The following TTN variants were observed in gnomAD, a reference collection of about 807,000 sequenced individuals.
TTN encodes the protein titin.
A neutral mutation model predicts 3,223.0 loss-of-function variants in TTN; 1,525 were observed. That is an observed-to-expected ratio of 0.47 (90% CI 0.45 to 0.49). The LOEUF is 0.49. TTN is among the 20% of genes least tolerant of loss of function. The pLI, the probability that TTN is intolerant of heterozygous loss-of-function variation, is 0.00. For missense variants in TTN, 40,786 were observed against 43,424.0 expected, an observed-to-expected ratio of 0.94 and a Z score of 5.40; for synonymous variants, 14,094 against 15,161.0, an observed-to-expected ratio of 0.93 and a Z score of 5.17.
At position 178,675,040 on chromosome 2, in the gene TTN, T is replaced by G; in HGVS notation, c.34611A>C (p.Glu11537Asp). 1 of 1,525,908 alleles carries G rather than the reference T, an allele frequency of 6.6e-7. No individual in the cohort carries two copies. The highest frequency in any genetic ancestry group is 8.8e-7 in the Non-Finnish European group (1 of 1,140,548). 94.5% of individuals were successfully genotyped at this position (1,525,908 alleles called of 1,614,324 possible). A position where few individuals can be genotyped will look rare whatever the true frequency, so the allele number is the denominator to read the frequency against. Reference protein sequence around the residue: ...LPKEEEVLPVEVTEEPEEEPI... With the variant: ...LPKEEEVLPVDVTEEPEEEPI... ...TTATTTTCTTAGAAAGTTATCTACC[T>G]TCAACTGGTAGAACTTCCTCTTCTT... The change falls in exon 150 of 363, where the codon GAA becomes GAC. Residue 11537 changes from glutamate (E) to aspartate (D), a missense_variant and splice_region_variant. Coordinates refer to ENST00000589042, the MANE Select transcript of TTN (RefSeq NM_001267550.2).
Position 178,577,252 on chromosome 2 carries a change from G to A in TTN, c.69083C>T (p.Thr23028Met), listed in dbSNP as rs754823057. Residue 23028 changes from threonine to methionine, a missense_variant, in exon 324 of 363, where the codon ACG becomes ATG. Coordinates refer to ENST00000589042, the MANE Select transcript of TTN (RefSeq NM_001267550.2). ...YTITATNPFG[T>M]KVEHVKVTVL... ...TGTTACCTTCACATGTTCCACCTTC[G>A]TGCCAAAAGGATTGGTAGCAGTGAT... 15 of 1,612,568 alleles carry A rather than the reference G, an allele frequency of 9.3e-6. No homozygotes were observed. The highest frequency in any genetic ancestry group is 4.5e-5 in the East Asian group (2 of 44,660).
rs373311221 is a variant in TTN at position 178,572,814 on chromosome 2, T to C, written c.73318A>G (p.Ile24440Val). The change falls in exon 326 of 363, where the codon ATA becomes GTA. Residue 24440 changes from isoleucine to valine, a missense_variant. Ile to Val is a conservative substitution (Grantham distance 29, BLOSUM62 3). Coordinates refer to ENST00000589042, the MANE Select transcript of TTN (RefSeq NM_001267550.2). ...AGTCTCAGGGTGCAGCAGGCCCTTA[T>C]AGTAACAACTTTGCGCAGGTCAGCA... is the stretch of plus-strand genomic sequence containing the variant. Reference protein sequence around the residue: ...LDADLRKVVTIRACCTLRLFV... With the variant: ...LDADLRKVVTVRACCTLRLFV... 6 of 1,613,420 alleles carry C rather than the reference T, an allele frequency of 3.7e-6. No individual in the cohort carries two copies. Among genetic ancestry groups the C allele is most frequent in the Middle Eastern group, 3.3e-4 (2 of 6,054 alleles).
In TTN at chr2:178,684,002, T is replaced by C. The variant is rs397517543; in HGVS notation, c.32803A>G (p.Lys10935Glu). The change falls in exon 133 of 363, where the codon AAA becomes GAA. Residue 10935 changes from lysine to glutamate, a missense_variant. Transcript: ENST00000589042. ...KPKREEEPPA[K>E]VTEFRKRVVK... ...TTTTTTTTAAGAGTCAGTATACCTT[T>C]AGCTGGTGGTTCCTCCTCTCTTTTA... 15 of 1,601,290 alleles carry C rather than the reference T, an allele frequency of 9.4e-6. No homozygotes were observed. In the African/African-American group the frequency reaches 1.9e-4, roughly 20 times the overall value.
At position 178,785,944 on chromosome 2, in the gene TTN, G is replaced by C; in HGVS notation, c.2274C>G (p.His758Gln). 2 of 1,614,142 alleles carry C rather than the reference G, an allele frequency of 1.2e-6. No homozygotes were observed. The highest frequency in any genetic ancestry group is 1.1e-5 in the South Asian group (1 of 91,080). The change falls in exon 14 of 363, where the codon CAC becomes CAG. Residue 758 changes from histidine (H) to glutamine (Q), a missense_variant. Coordinates refer to ENST00000589042, the MANE Select transcript of TTN (RefSeq NM_001267550.2). ...TAGGCTTGACTGCTTTAGGGACAAC[G>C]TGGGGTTCTGAGGCTGGACGTTGGG... ...EPPQRPASEP[H>Q]VVPKAVKPRV... is the part of the protein sequence containing the mutation.
rs773601598 is a variant in TTN, at chr2:178,568,177, T to C, written c.77955A>G (p.Gln25985=). 2 of 1,613,544 alleles carry C rather than the reference T, an allele frequency of 1.2e-6. No individual in the cohort carries two copies. Among genetic ancestry groups the C allele is most frequent in the South Asian group, 1.1e-5 (1 of 91,080 alleles). ...GAGGGCCTGGTTCTTTGTAGGGATA[T>C]TGAGCTACAATTGGATCAGACTCTA... The part of the protein sequence containing the change: ...FALESDPIVA[Q]YPYKEPGPPG... The change falls in exon 326 of 363, where the codon CAA becomes CAG. Residue 25985 remains glutamine, a synonymous_variant. Transcript: ENST00000589042.
Position 178,566,276 on chromosome 2 carries a change from C to T in TTN, c.79856G>A (p.Arg26619His), listed in dbSNP as rs530507211. The stretch of plus-strand genomic sequence containing the variant: ...AGACCAAGTGATCTCAGGCGTTGGA[C>T]GACCTTTGAATGGAATGTGAATTCT... Reference protein sequence around the residue: ...SARIHIPFKGRPTPEITWSRE... With the variant: ...SARIHIPFKGHPTPEITWSRE... The change falls in exon 326 of 363, where the codon CGT becomes CAT. Residue 26619 changes from arginine (R) to histidine (H), a missense_variant. Physicochemically the swap from Arg to His is conservative, Grantham distance 29. Transcript: ENST00000589042. 107 of 1,613,634 alleles carry T rather than the reference C, an allele frequency of 6.6e-5. No individual in the cohort carries two copies. In the Admixed American group the frequency reaches 1.3e-3, roughly 20 times the overall value.
intron 47 of TTN, chr2:178,742,974 T>C (rs1362896185): frequency 6.6e-6 from 1 of 152,078 alleles, no homozygotes; most frequent in Non-Finnish European, 1.5e-5. Context: ...TATTCAGGTA[T>C]TTATTATTTT....
rs777676683 is a variant in TTN at position 178,527,225 on chromosome 2, C to T, written c.107763G>A (p.Thr35921=). ...GKVLTVACAF[T]GEPTPEVTWS... Reference sequence around the variant, plus strand: ...ATGTTACTTCTGGGGTAGGCTCACCCGTGAAAGCACAGGCTACTGTTAGAA... The same window carrying T: ...ATGTTACTTCTGGGGTAGGCTCACCTGTGAAAGCACAGGCTACTGTTAGAA... Residue 35921 remains threonine, a synonymous_variant, in exon 363 of 363, where the codon ACG becomes ACA. Transcript: ENST00000589042. 20 of 1,613,610 alleles carry T rather than the reference C, an allele frequency of 1.2e-5. No individual in the cohort carries two copies. The highest frequency in any genetic ancestry group is 3.3e-5 in the South Asian group (3 of 91,044).
chr2:178,775,243 T>G, intron 28 of TTN, 41 bp from the exon 29 acceptor site: 1 of 1,613,034 alleles, frequency 6.2e-7, no homozygotes, highest in Non-Finnish European at 8.5e-7. Context: ...GAGCACATTA[T>G]ATTAAATTAA....
At position 178,625,387 on chromosome 2, in the gene TTN, G is replaced by A. The variant is rs745698096; in HGVS notation, c.44434C>T (p.Arg14812Cys). ...AGTGTATGAACTTTTCCTTCTGAAC[G>A]TGGGACCACCTAGTTGTTTTTAAAA... ...KLEPSDKVVP[R>C]SEGKVHTLTL... Residue 14812 changes from arginine to cysteine, a missense_variant, in exon 241 of 363, where the codon CGT becomes TGT. By Grantham distance (180) the Arg-to-Cys change is radical. Transcript: ENST00000589042. 5 of 1,574,568 alleles carry A rather than the reference G, an allele frequency of 3.2e-6. No individual in the cohort carries two copies. The South Asian group carries it at 3.6e-5, about 11-fold the overall frequency.
At chr2:178,646,948 C>A (rs983521785) in intron 215 of TTN, 116 bp downstream of exon 215, 3 of 371,838 alleles carry the variant, frequency 8.1e-6, no homozygotes, top group African/African-American at 4.2e-5. Context: ...GTCAAACATG[C>A]TAGACTGCTC....
intron 47 of TTN, chr2:178,747,722 G>T: frequency 6.2e-7 from 1 of 1,611,762 alleles, no homozygotes; most frequent in South Asian, 1.1e-5. Flanking sequence ...AGTGGTATGT[G>T]CCTCATCTAA....
intron 147 of TTN, among the ~76,000 whole-genome samples, chr2:178,676,704 G>A (rs1299975591): frequency 6.6e-6 from 1 of 151,764 alleles, no homozygotes; most frequent in Non-Finnish European, 1.5e-5. Context: ...TAAAGTCAAC[G>A]CTAAAATCAA....
At chr2:178,783,340 T>C (rs959803595) in intron 17 of TTN, among the ~76,000 whole-genome samples, 28 of 152,228 alleles carry the variant, frequency 1.8e-4, no homozygotes, top group African/African-American at 6.3e-4. Context: ...CCATGGATTC[T>C]CCTTCTGTTG....
Position 178,574,176 on chromosome 2 carries a change from C to G in TTN, c.71956G>C (p.Val23986Leu), listed in dbSNP as rs754373279. Residue 23986 changes from valine to leucine, a missense_variant, in exon 326 of 363, where the codon GTC (valine) becomes CTC (leucine). Coordinates refer to ENST00000589042, the MANE Select transcript of TTN (RefSeq NM_001267550.2). ...FSNILENEFT[V>L]SGLTEDAAYE... ...GCAGCATCTTCTGTTAGGCCACTGA[C>G]TGTAAATTCATTCTCCAAAATGTTG... 6 of 1,613,552 alleles carry G rather than the reference C, an allele frequency of 3.7e-6. No individual in the cohort carries two copies. Among genetic ancestry groups the G allele is most frequent in the South Asian group, 2.2e-5 (2 of 91,074 alleles).
At position 178,739,926 on chromosome 2, in the gene TTN, G is replaced by T. The variant is rs1170030569; in HGVS notation, c.13307C>A (p.Pro4436His). ...AAGGTACATGCACATGATGTGTCTG[G>T]GCTCTTGGGTGATGTTTACAGCCTC... is the stretch of plus-strand genomic sequence containing the variant. ...EVEAVNITQE[P>H]RHIMCMYLVT... The change falls in exon 48 of 363, where the codon CCC (proline) becomes CAC (histidine). Residue 4436 changes from proline (P) to histidine (H), a missense_variant. Coordinates refer to ENST00000589042, the MANE Select transcript of TTN (RefSeq NM_001267550.2). 2 of 1,613,630 alleles carry T rather than the reference G, an allele frequency of 1.2e-6. No homozygotes were observed. Among genetic ancestry groups the T allele is most frequent in the South Asian group, 1.1e-5 (1 of 91,078 alleles).
intron 117 of TTN, 184 bp downstream of exon 117, chr2:178,694,415 A>G: frequency 2.0e-6 from 1 of 503,152 alleles, no homozygotes; most frequent in Non-Finnish European, 3.5e-6. Context: ...AACTAGAAAC[A>G]AAGTAGATAA....
At chr2:178,683,933 A>G in intron 133 of TTN, 66 bp downstream of exon 133, 1 of 1,235,698 alleles carries the variant, frequency 8.1e-7, no homozygotes, top group South Asian at 1.7e-5. Flanking sequence ...AACCTATTCC[A>G]CTAGATTAGT....
At chr2:178,802,008 C>T in intron 3 of TTN, 130 bp downstream of exon 3, 1 of 1,134,690 alleles carries the variant, frequency 8.8e-7, no homozygotes, top group African/African-American at 1.5e-5. Flanking sequence ...ATAATTCAGC[C>T]TCCAGTAGAC....
Sources: gnomAD v4.1 joint callset for allele counts (sites outside exome capture counted in the v4.1 genomes callset) on GRCh38, gnomAD v4.1.1 for gene constraint, MANE v1.5 for transcripts, NCBI Gene and HGNC (gene_info 2026-07-23, HGNC 2026-07-21) for gene names.